The following MACC1 variants were observed in gnomAD, a reference collection of about 807,000 sequenced individuals.
MACC1 encodes the protein metastasis-associated in colon cancer protein 1.
In MACC1, 79 loss-of-function variants were observed where a neutral mutation model predicts 70.7. The ratio of observed to expected loss-of-function variants is 1.12; its 90% CI spans 0.93 to 1.35. The LOEUF is 1.35. MACC1 is among the 40% of genes most tolerant of loss of function. The pLI is 0.00. For synonymous variants in MACC1, 361 were observed against 347.2 expected (o/e 1.04, Z -0.44); for missense variants, 1,106 against 978.1 (o/e 1.13, Z -1.74).
intron 2 of MACC1, among the ~76,000 whole-genome samples, chr7:20,169,087 C>T: frequency 6.6e-6 from 1 of 152,212 alleles, no homozygotes; most frequent in South Asian, 2.1e-4. Context: ...CAAGAGCATA[C>T]ATTTCCAACT....
rs201303233 is a variant in MACC1 at position 20,145,544 on chromosome 7, A to G, written c.2347-4386T>C. ...TAGAAAATAGAGGTATTTTAAAAAG[A>G]AAAAAAATTTTTAAAGTAATATTCT... is the stretch of plus-strand genomic sequence containing the variant. On this transcript the variant is annotated intron_variant, in intron 6 of 6. Transcript: ENST00000400331. Among the ~76,000 whole-genome samples the G allele has an allele frequency of 7.1e-3, 1,076 of 150,564 alleles. 24 individuals carry two copies. Among genetic ancestry groups the G allele is most frequent in the Admixed American group, 0.038 (571 of 15,178 alleles).
In MACC1 at chr7:20,159,698, TTGA is replaced by T. The variant is rs1381930067; in HGVS notation, c.660_662del (p.His220del). The T allele has an allele frequency of 1.9e-6, 3 of 1,614,160 alleles. No individual in the cohort carries two copies. Among genetic ancestry groups the T allele is most frequent in the Non-Finnish European group, 1.7e-6 (2 of 1,180,018 alleles). On this transcript the variant is annotated inframe_deletion, in exon 5 of 7. Coordinates refer to ENST00000400331, the MANE Select transcript of MACC1 (RefSeq NM_182762.4). Reference sequence around the variant, plus strand: ...ATTCAGGTAATTGTACTGACCCTCCTTGATGGTTTACTTTGCAAGCTATGGTGA... The same window carrying T: ...ATTCAGGTAATTGTACTGACCCTCCTTGGTTTACTTTGCAAGCTATGGTGA...
intron 6 of MACC1, among the ~76,000 whole-genome samples, chr7:20,149,091 C>T (rs757864697): frequency 1.3e-5 from 2 of 152,026 alleles, no homozygotes; most frequent in South Asian, 4.1e-4. Flanking sequence ...TTAACTTTTG[C>T]GAGAGATAAT....
In MACC1 at chr7:20,159,408, C is replaced by T. The variant is rs1329338526; in HGVS notation, c.953G>A (p.Gly318Asp). Residue 318 changes from glycine (G) to aspartate (D), a missense_variant, in exon 5 of 7, where the codon GGC becomes GAC. Coordinates refer to ENST00000400331, the MANE Select transcript of MACC1 (RefSeq NM_182762.4). ...MVCLHSLGKEGPFKVLSNCYI... is the reference protein window; with the variant it reads ...MVCLHSLGKEDPFKVLSNCYI... ...GCAGTTGCTTAAAACTTTAAAAGGG[C>T]CTTCTTTACCCAAGCTGTGTAAACA... The T allele has an allele frequency of 4.3e-6, 7 of 1,613,806 alleles. No individual in the cohort carries two copies. The highest frequency in any genetic ancestry group is 5.9e-6 in the Non-Finnish European group (7 of 1,180,012).
intron 1 of MACC1, among the ~76,000 whole-genome samples, chr7:20,175,658 A>G (rs764079824): frequency 4.6e-5 from 7 of 152,154 alleles, no homozygotes; most frequent in Non-Finnish European, 8.8e-5. Context: ...GAAAAATTTT[A>G]GGTAACATTT....
intron 6 of MACC1, among the ~76,000 whole-genome samples, chr7:20,142,707 G>A (rs913457820): frequency 2.0e-5 from 3 of 152,132 alleles, no homozygotes; most frequent in African/African-American, 7.2e-5. Context: ...CTCAATCTTG[G>A]TTGTCGCTGC....
intron 1 of MACC1, among the ~76,000 whole-genome samples, chr7:20,186,403 T>C (rs568816208): frequency 6.6e-4 from 101 of 152,318 alleles, no homozygotes; most frequent in African/African-American, 2.4e-3. Context: ...AGTATTGTTA[T>C]AATCACCAAA....
chr7:20,193,653 C>T (rs1782705395), intron 1 of MACC1, among the ~76,000 whole-genome samples: 1 of 152,196 alleles, frequency 6.6e-6, no homozygotes, highest in Non-Finnish European at 1.5e-5. Context: ...GACTGCCATG[C>T]CCAAAGCTCA....
At chr7:20,178,627 T>G (rs1358464856) in intron 1 of MACC1, among the ~76,000 whole-genome samples, 2 of 152,174 alleles carry the variant, frequency 1.3e-5, no homozygotes, top group African/African-American at 2.4e-5. Context: ...GAGATGGAGT[T>G]TCGCTCTTGT....
intron 1 of MACC1, among the ~76,000 whole-genome samples, chr7:20,197,219 T>G (rs1782766865): frequency 1.3e-5 from 2 of 152,338 alleles, no homozygotes; most frequent in East Asian, 3.9e-4. Context: ...TTTCCTAAAG[T>G]CAACAAGTCA....
At chr7:20,154,442 A>G in intron 5 of MACC1, 61 bp from the exon 6 acceptor site, 1 of 1,498,808 alleles carries the variant, frequency 6.7e-7, no homozygotes, top group Non-Finnish European at 9.0e-7. Flanking sequence ...CTCTCTATAA[A>G]TTGGAATTTT....
intron 1 of MACC1, among the ~76,000 whole-genome samples, chr7:20,180,480 T>C (rs1782486541): frequency 6.6e-6 from 1 of 151,446 alleles, no homozygotes; most frequent in African/African-American, 2.4e-5. Flanking sequence ...ATGTATAGGC[T>C]TAAATTAGCA....
Position 20,140,757 on chromosome 7 carries a change from C to G in MACC1, c.*189G>C. On this transcript the variant is annotated 3_prime_UTR_variant, in exon 7 of 7. Transcript: ENST00000400331. ...TCAGGAAAAAAAAACTGGTTTTGAG[C>G]ATGAAGAAAATTAATATAATGCTTT... 2.2e-6 allele frequency: 1 copy of G among 449,496 alleles called. No individual in the cohort carries two copies. The highest frequency in any genetic ancestry group is 3.8e-6 in the Non-Finnish European group (1 of 262,970). 27.8% of individuals were successfully genotyped at this position (449,496 alleles called of 1,614,324 possible).
intron 1 of MACC1, among the ~76,000 whole-genome samples, chr7:20,203,766 A>G (rs1428278467): frequency 6.6e-6 from 1 of 152,090 alleles, no homozygotes; most frequent in Non-Finnish European, 1.5e-5. Flanking sequence ...TTTGCCAGAT[A>G]CCTCTTTCTG....
chr7:20,158,466 G>C lies in MACC1; in HGVS notation c.1895C>G (p.Thr632Ser), dbSNP rs771697616. The C allele has an allele frequency of 6.2e-7, 1 of 1,613,982 alleles. No homozygotes were observed. The highest frequency in any genetic ancestry group is 2.2e-5 in the East Asian group (1 of 44,852). The stretch of plus-strand genomic sequence containing the variant: ...GACAATCTGTTCAAGAAGATTTCTG[G>C]TTGTAAAGACACTATCTGACATAAA... ...VMFMSDSVFTTRNLLEQIVLP... is the reference protein window; with the variant it reads ...VMFMSDSVFTSRNLLEQIVLP... Residue 632 changes from threonine to serine, a missense_variant, in exon 5 of 7, where the codon ACC becomes AGC. Transcript: ENST00000400331.
rs3114452 is a variant in MACC1, at chr7:20,178,299, T to C, written c.-217-7521A>G. Reference sequence around the variant, plus strand: ...CACACACACACACACACACACACACTCCAGAGAATAATTGATTCAATTTAT... The same window carrying C: ...CACACACACACACACACACACACACCCCAGAGAATAATTGATTCAATTTAT... On this transcript the variant is annotated intron_variant, in intron 1 of 6. Coordinates refer to ENST00000400331, the MANE Select transcript of MACC1 (RefSeq NM_182762.4). Among the ~76,000 whole-genome samples, 209 of 42,014 alleles carry C rather than the reference T, an allele frequency of 5.0e-3. 1 individual carries two copies. The highest frequency in any genetic ancestry group is 0.036 in the African/African-American group (169 of 4,756). 27.6% of individuals were successfully genotyped at this position (42,014 alleles called of 152,430 possible). A position where few individuals can be genotyped will look rare whatever the true frequency, so the allele number is the denominator to read the frequency against.
chr7:20,202,146 C>T (rs192331506), intron 1 of MACC1, among the ~76,000 whole-genome samples: 77 of 152,288 alleles, frequency 5.1e-4, no homozygotes, highest in African/African-American at 1.7e-3. Flanking sequence ...ATAGTTTCTT[C>T]GACAATCATA....
intron 6 of MACC1, among the ~76,000 whole-genome samples, chr7:20,153,921 G>A (rs1025990330): frequency 1.3e-5 from 2 of 151,920 alleles, no homozygotes; most frequent in Non-Finnish European, 2.9e-5. Flanking sequence ...CCACTTACTG[G>A]CCCAATTTGA....
At chr7:20,171,055 C>T (rs1782297188) in intron 1 of MACC1, among the ~76,000 whole-genome samples, 3 of 152,096 alleles carry the variant, frequency 2.0e-5, no homozygotes, top group South Asian at 4.1e-4. Flanking sequence ...ACAGTATGAA[C>T]TCTTTGTCAA....
Sources: gnomAD v4.1 joint callset for allele counts (sites outside exome capture counted in the v4.1 genomes callset) on GRCh38, gnomAD v4.1.1 for gene constraint, MANE v1.5 for transcripts, NCBI Gene and HGNC (gene_info 2026-07-23, HGNC 2026-07-21) for gene names.